PCNT: variants seen among roughly 807,000 people sequenced by gnomAD.
The protein encoded by PCNT is kendrin.
PCNT carries 319 observed loss-of-function variants against 380.4 expected under a neutral mutation model. That is an observed-to-expected ratio of 0.84 (90% CI 0.77 to 0.92). The LOEUF is 0.92. PCNT is among the 40% of genes least tolerant of loss of function. The pLI is 0.00. For missense variants in PCNT, 4,400 were observed against 4,255.3 expected (o/e 1.03, Z -0.95); for synonymous variants, 1,845 against 1,735.2 (o/e 1.06, Z -1.57).
At chr21:46,424,161 ATAGCCCCTGTGGTCCC>A (rs1187814990) in intron 32 of PCNT, among the ~76,000 whole-genome samples, 1 of 152,162 alleles carries the variant, frequency 6.6e-6, no homozygotes, top group Non-Finnish European at 1.5e-5. Flanking sequence ...CGACGCTCTA[ATAGCCCCTGTGGTCCC>A]TATGCTGAGG....
At chr21:46,438,854 G>C (rs1466154241) in intron 41 of PCNT, among the ~76,000 whole-genome samples, 1 of 151,668 alleles carries the variant, frequency 6.6e-6, no homozygotes, top group South Asian at 2.1e-4. Flanking sequence ...TATATTTTTA[G>C]TAGAGATGGG....
At chr21:46,329,729 A>G (rs943508985) in intron 2 of PCNT, among the ~76,000 whole-genome samples, 4 of 152,254 alleles carry the variant, frequency 2.6e-5, no homozygotes, top group East Asian at 3.8e-4. Flanking sequence ...AACAATGGCA[A>G]GATGGCCAAG....
At position 46,436,057 on chromosome 21, in the gene PCNT, C is replaced by A. The variant is rs201154205; in HGVS notation, c.8905C>A (p.Arg2969=). The A allele has an allele frequency of 4.3e-6, 7 of 1,613,482 alleles. No individual in the cohort carries two copies. The East Asian group carries it at 1.6e-4, about 36-fold the overall frequency. ...TGCCGGCTCGGATGCGGACCACCTC[C>A]GGGAACAGCAGCGAGAGCTGGAGGC... ...RAAGSDADHL[R]EQQRELEAMR... The change falls in exon 39 of 47, where the codon CGG becomes AGG. Residue 2969 remains arginine (R), a synonymous_variant. Coordinates refer to ENST00000359568, the MANE Select transcript of PCNT (RefSeq NM_006031.6).
Position 46,346,135 on chromosome 21 carries a change from A to G in PCNT, c.647A>G (p.Glu216Gly). 1 of 1,614,144 alleles carries G rather than the reference A, an allele frequency of 6.2e-7. No individual in the cohort carries two copies. The highest frequency in any genetic ancestry group is 8.5e-7 in the Non-Finnish European group (1 of 1,179,980). Reference protein sequence around the residue: ...EQRGMFTKECEQECELAITDL... With the variant: ...EQRGMFTKECGQECELAITDL... ...TTTGCCTTTTTTCCCCAGGAGTGTG[A>G]ACAAGAATGTGAACTTGCCATTACT... Residue 216 changes from glutamate to glycine, a missense_variant, in exon 4 of 47, where the codon GAA (glutamate) becomes GGA (glycine). Glu to Gly is a moderately conservative substitution (Grantham distance 98, BLOSUM62 -2). Transcript: ENST00000359568.
At chr21:46,429,233 G>T (rs1340456034) in intron 35 of PCNT, among the ~76,000 whole-genome samples, 1 of 152,060 alleles carries the variant, frequency 6.6e-6, no homozygotes, top group Admixed American at 6.5e-5. Flanking sequence ...CTGTGCACAT[G>T]CTCGTGAGGG....
At chr21:46,445,229 A>G (rs1336359992) in intron 46 of PCNT, 55 bp from the exon 47 acceptor site, 3 of 1,259,852 alleles carry the variant, frequency 2.4e-6, no homozygotes, top group Non-Finnish European at 3.5e-6. Context: ...ATTCTTTTCA[A>G]AAAATCTGTG....
At chr21:46,436,773 G>A (rs2053468868) in intron 39 of PCNT, among the ~76,000 whole-genome samples, 1 of 151,990 alleles carries the variant, frequency 6.6e-6, no homozygotes. Flanking sequence ...CCCGGCTGGA[G>A]GTTTCTGAGC....
chr21:46,344,231 G>A (rs1044875465), intron 3 of PCNT, among the ~76,000 whole-genome samples: 1 of 151,788 alleles, frequency 6.6e-6, no homozygotes, highest in African/African-American at 2.4e-5. Flanking sequence ...CTGCCACCAC[G>A]CCCAGCTAAT....
chr21:46,353,786 C>G (rs1404768917), intron 10 of PCNT, among the ~76,000 whole-genome samples: 2 of 151,716 alleles, frequency 1.3e-5, no homozygotes, highest in East Asian at 1.9e-4. Context: ...GGCGGGCACA[C>G]TTTCTTCCAG....
chr21:46,427,639 C>T lies in PCNT; in HGVS notation c.7338C>T (p.Cys2446=), dbSNP rs1250182525. The T allele has an allele frequency of 1.9e-6, 3 of 1,613,970 alleles. No individual in the cohort carries two copies. Among genetic ancestry groups the T allele is most frequent in the East Asian group, 2.2e-5 (1 of 44,874 alleles). ...GGKTQEVPTA[C]PDWRGDLLQV... is the part of the protein sequence containing the mutation. ...TCCTTTAGGAAGTGCCCACCGCGTGCCCCGATTGGAGAGGGGACCTTCTGC... is the reference window on the plus strand; with the variant it reads ...TCCTTTAGGAAGTGCCCACCGCGTGTCCCGATTGGAGAGGGGACCTTCTGC... Residue 2446 remains cysteine, a synonymous_variant, in exon 34 of 47, where the codon TGC becomes TGT. Coordinates refer to ENST00000359568, the MANE Select transcript of PCNT (RefSeq NM_006031.6).
At chr21:46,371,208 TTCTTTC>T in intron 15 of PCNT, among the ~76,000 whole-genome samples, 1 of 128,302 alleles carries the variant, frequency 7.8e-6, no homozygotes, top group Non-Finnish European at 1.8e-5. Flanking sequence ...TTTATTTTCT[TTCTTTC>T]TTTTTTTTTT....
chr21:46,406,550 A>G (rs1473049886), intron 27 of PCNT, among the ~76,000 whole-genome samples: 2 of 152,244 alleles, frequency 1.3e-5, no homozygotes, highest in African/African-American at 2.4e-5. Context: ...AGATAACATC[A>G]TCTTCAGATA....
In PCNT at chr21:46,328,898, C is replaced by T. The variant is rs368133762; in HGVS notation, c.267+2309C>T. On this transcript the variant is annotated intron_variant, in intron 2 of 46. Coordinates refer to ENST00000359568, the MANE Select transcript of PCNT (RefSeq NM_006031.6). ...AAGCGTTTCTCCTGCATCAGCCTCC[C>T]GAGTAGCTGGGATTACAAGTGGGCA... 4.6e-5 allele frequency among the ~76,000 whole-genome samples: 7 copies of T among 152,288 alleles called. No individual in the cohort carries two copies. In the East Asian group the frequency reaches 1.2e-3, roughly 25 times the overall value.
intron 27 of PCNT, among the ~76,000 whole-genome samples, chr21:46,410,133 AAGGCACGCGACGGGGAGC>A (rs1186038098): frequency 1.3e-5 from 2 of 152,236 alleles, no homozygotes; most frequent in Non-Finnish European, 2.9e-5. Context: ...CGCACACAGT[AAGGCACGCGACGGGGAGC>A]AGAATGTGCA....
At chr21:46,444,658 T>A (rs2053704231) in intron 45 of PCNT, 36 bp from the exon 46 acceptor site, 1 of 1,600,812 alleles carries the variant, frequency 6.2e-7, no homozygotes, top group African/African-American at 1.3e-5. Context: ...TTTTTTTTTT[T>A]TTTTTTCTTC....
intron 15 of PCNT, among the ~76,000 whole-genome samples, chr21:46,369,292 T>C (rs1288914519): frequency 6.6e-6 from 1 of 152,246 alleles, no homozygotes; most frequent in African/African-American, 2.4e-5. Context: ...CAGGCTAGTC[T>C]CGAACTCTTG....
chr21:46,401,996 G>A (rs1425991528), intron 26 of PCNT, among the ~76,000 whole-genome samples: 1 of 152,152 alleles, frequency 6.6e-6, no homozygotes, highest in Non-Finnish European at 1.5e-5. Flanking sequence ...GATTACAGGT[G>A]CACCCACCGC....
chr21:46,412,709 A>G lies in PCNT; in HGVS notation c.5995-128A>G, dbSNP rs2086828596. 3.1e-6 allele frequency: 3 copies of G among 972,106 alleles called. No homozygotes were observed. The Admixed American group carries it at 5.1e-5, about 17-fold the overall frequency. The allele number at this position is 972,106 out of a possible 1,614,324, so 60.2% of individuals were successfully genotyped here. ...TGTGGACCAAGGTGCTCGGCTGTGGATGTCACTGCCACCTCCCTCTGGCAT... is the reference window on the plus strand; with the variant it reads ...TGTGGACCAAGGTGCTCGGCTGTGGGTGTCACTGCCACCTCCCTCTGGCAT... On this transcript the variant is annotated intron_variant, in intron 28 of 46. Transcript: ENST00000359568.
At chr21:46,370,152 A>C (rs1447392191) in intron 15 of PCNT, among the ~76,000 whole-genome samples, 2 of 151,918 alleles carry the variant, frequency 1.3e-5, no homozygotes, top group South Asian at 2.1e-4. Context: ...GTCTGTGCTC[A>C]AAGAGTGCAG....
Sources: gnomAD v4.1 joint callset for allele counts (sites outside exome capture counted in the v4.1 genomes callset) on GRCh38, gnomAD v4.1.1 for gene constraint, MANE v1.5 for transcripts, NCBI Gene and HGNC (gene_info 2026-07-23, HGNC 2026-07-21) for gene names.